SCHIP1: variants seen among roughly 807,000 people sequenced by gnomAD.
The protein encoded by SCHIP1 is schwannomin interacting protein 1.
A neutral mutation model predicts 29.7 loss-of-function variants in SCHIP1; 8 were observed. The ratio of observed to expected loss-of-function variants is 0.27; its 90% CI spans 0.16 to 0.49. The LOEUF (loss-of-function observed/expected upper bound fraction) is 0.49. Ranked by LOEUF, SCHIP1 falls within the 20% of genes least tolerant of loss-of-function variation. SCHIP1 has a pLI of 0.99. For missense variants in SCHIP1, 193 were observed against 294.6 expected (o/e 0.66, Z 2.52); for synonymous variants, 76 against 94.9 (o/e 0.80, Z 1.16).
At chr3:159,514,199 C>T in the SCHIP1 span, among the ~76,000 whole-genome samples, 1 of 152,152 alleles carries the variant, frequency 6.6e-6, no homozygotes, top group Non-Finnish European at 1.5e-5. Flanking sequence ...TCATGGAAAA[C>T]TATGAATGTG....
At chr3:159,526,209 G>A in the SCHIP1 span, among the ~76,000 whole-genome samples, 2 of 152,020 alleles carry the variant, frequency 1.3e-5, no homozygotes, top group East Asian at 3.9e-4. Context: ...ACAGAGTTTT[G>A]CTTTATTGCC....
chr3:159,403,301 A>C, the SCHIP1 span, among the ~76,000 whole-genome samples: 2 of 152,212 alleles, frequency 1.3e-5, no homozygotes, highest in Non-Finnish European at 2.9e-5. Context: ...AAGTATCCAC[A>C]CCAAATATCA....
chr3:159,379,241 A>AGAT, the SCHIP1 span, among the ~76,000 whole-genome samples: 2 of 146,836 alleles, frequency 1.4e-5, no homozygotes, highest in South Asian at 2.1e-4. Context: ...TTTTTTTTTG[A>AGAT]GATAAAGTCT....
At chr3:159,409,663 T>A in the SCHIP1 span, among the ~76,000 whole-genome samples, 1 of 152,148 alleles carries the variant, frequency 6.6e-6, no homozygotes, top group African/African-American at 2.4e-5. Flanking sequence ...AGATATTCCA[T>A]GTTCACGGAA....
At chr3:159,333,510 AAC>A in the SCHIP1 span, among the ~76,000 whole-genome samples, 1 of 137,114 alleles carries the variant, frequency 7.3e-6, no homozygotes. Context: ...CACATACACA[AAC>A]ATACACACAC....
chr3:159,896,837 C>A, exon 7 of SCHIP1: 2 of 1,528,154 alleles, frequency 1.3e-6, no homozygotes, highest in Non-Finnish European at 1.8e-6. Flanking sequence ...TGTAAAAATG[C>A]TGTTGCTAAA....
At chr3:159,690,024 A>T in the SCHIP1 span, among the ~76,000 whole-genome samples, 1 of 152,214 alleles carries the variant, frequency 6.6e-6, no homozygotes, top group Non-Finnish European at 1.5e-5. Flanking sequence ...GGATTTTCGC[A>T]TAGATGTTCA....
intron 2 of SCHIP1, among the ~76,000 whole-genome samples, chr3:159,868,943 C>A (rs951051607): frequency 6.6e-6 from 1 of 151,960 alleles, no homozygotes; most frequent in Non-Finnish European, 1.5e-5. Flanking sequence ...GGATCCATAA[C>A]GTTACTAACA....
chr3:159,517,854 T>G, the SCHIP1 span, among the ~76,000 whole-genome samples: 2 of 152,106 alleles, frequency 1.3e-5, no homozygotes, highest in Admixed American at 1.3e-4. Flanking sequence ...AGCTTTAGCA[T>G]AACTAGTGGA....
chr3:159,593,740 G>A, the SCHIP1 span, among the ~76,000 whole-genome samples: 2 of 152,204 alleles, frequency 1.3e-5, no homozygotes, highest in African/African-American at 4.8e-5. Context: ...GACCATGTTT[G>A]GAATGCTGGG....
upstream of SCHIP1, among the ~76,000 whole-genome samples, chr3:159,838,619 G>A (rs1252788425): frequency 1.3e-5 from 2 of 152,202 alleles, no homozygotes; most frequent in Non-Finnish European, 2.9e-5. Context: ...GGCCAGGCGC[G>A]GTGGCTCACG....
the SCHIP1 span, among the ~76,000 whole-genome samples, chr3:159,809,904 G>A: frequency 1.3e-5 from 2 of 152,132 alleles, no homozygotes; most frequent in African/African-American, 4.8e-5. Flanking sequence ...TGAAGCAGGA[G>A]TATCGCTTGA....
the SCHIP1 span, among the ~76,000 whole-genome samples, chr3:159,504,065 A>G: frequency 7.9e-5 from 12 of 152,196 alleles, no homozygotes; most frequent in Non-Finnish European, 1.6e-4. Flanking sequence ...AAAAATGACT[A>G]TTCAGATCTG....
the SCHIP1 span, among the ~76,000 whole-genome samples, chr3:159,353,964 T>C: frequency 1.3e-5 from 2 of 152,200 alleles, no homozygotes; most frequent in East Asian, 3.8e-4. Context: ...TAGGATAAAT[T>C]TTACTAGTTT....
the SCHIP1 span, among the ~76,000 whole-genome samples, chr3:159,469,198 A>G: frequency 2.0e-5 from 3 of 152,192 alleles, no homozygotes; most frequent in Non-Finnish European, 4.4e-5. Flanking sequence ...ATATTAAGCC[A>G]AAATGTGAAA....
chr3:159,426,995 T>TA, the SCHIP1 span, among the ~76,000 whole-genome samples: 1 of 152,214 alleles, frequency 6.6e-6, no homozygotes, highest in Non-Finnish European at 1.5e-5. Context: ...TGCTTCATGC[T>TA]AAAAACTCTC....
the SCHIP1 span, among the ~76,000 whole-genome samples, chr3:159,687,592 C>G: frequency 6.6e-6 from 1 of 151,900 alleles, no homozygotes; most frequent in East Asian, 1.9e-4. Flanking sequence ...CTTGGAAAAC[C>G]CTCTCTTTTT....
chr3:159,745,905 G>T, the SCHIP1 span, among the ~76,000 whole-genome samples: 6 of 152,132 alleles, frequency 3.9e-5, no homozygotes, highest in East Asian at 5.8e-4. Context: ...ACAGTGCAAG[G>T]TTTATCATAT....
chr3:159,350,121 C>T, the SCHIP1 span, among the ~76,000 whole-genome samples: 1 of 152,118 alleles, frequency 6.6e-6, no homozygotes, highest in Non-Finnish European at 1.5e-5. Context: ...TTATTAAGCA[C>T]TCTGTGCTTA....
Sources: allele counts gnomAD v4.1 joint callset (sites outside exome capture counted in the v4.1 genomes callset), GRCh38; gene constraint gnomAD v4.1.1; transcripts MANE v1.5; gene names NCBI Gene and HGNC (gene_info 2026-07-23, HGNC 2026-07-21).